The following GHR variants were observed in gnomAD, a reference collection of about 807,000 sequenced individuals.
The protein encoded by GHR is GH receptor.
A neutral mutation model predicts 67.1 loss-of-function variants in GHR; 35 were observed. The observed-to-expected ratio is 0.52, with a 90% CI of 0.40 to 0.69. The LOEUF (loss-of-function observed/expected upper bound fraction) is 0.69, where lower values mean the gene tolerates loss of function less well. Ranked by LOEUF, GHR falls within the 30% of genes least tolerant of loss-of-function variation. The probability of loss-of-function intolerance (pLI) is 0.00; values close to 1 mark genes in which losing one functional copy is unlikely to be tolerated. For missense variants in GHR, 792 were observed against 764.6 expected, an observed-to-expected ratio of 1.04 and a Z score of -0.42; for synonymous variants, 272 against 269.1, an observed-to-expected ratio of 1.01 and a Z score of -0.10.
chr5:42,497,772 G>A (rs1188837484), intron 1 of GHR, among the ~76,000 whole-genome samples: 2 of 152,164 alleles, frequency 1.3e-5, no homozygotes, highest in African/African-American at 4.8e-5. Context: ...GCTATGAAAG[G>A]GATATTGTAG....
intron 2 of GHR, among the ~76,000 whole-genome samples, chr5:42,597,482 C>T (rs949992421): frequency 3.3e-5 from 5 of 152,090 alleles, no homozygotes; most frequent in African/African-American, 9.7e-5. Context: ...GTAAGAACAG[C>T]CTAGAAGTAC....
Position 42,617,019 on chromosome 5 carries a change from C to G in GHR, c.71-12019C>G, listed in dbSNP as rs189672322. Among the ~76,000 whole-genome samples, 669 of 152,070 alleles carry G rather than the reference C, an allele frequency of 4.4e-3. 4 individuals carry two copies. The highest frequency in any genetic ancestry group is 6.7e-3 in the Non-Finnish European group (453 of 67,944). ...AAATTAGGAAGTAGAGACAGCCATT[C>G]AGACAAGGACTTAAAAGATCCAGGA... On this transcript the variant is annotated intron_variant, in intron 2 of 9. Coordinates refer to ENST00000230882, the MANE Select transcript of GHR (RefSeq NM_000163.5).
chr5:42,673,182 G>A (rs1756403906), intron 3 of GHR, among the ~76,000 whole-genome samples: 1 of 152,066 alleles, frequency 6.6e-6, no homozygotes, highest in African/African-American at 2.4e-5. Context: ...AATCATCAGA[G>A]AAATGCAAAT....
intron 1 of GHR, among the ~76,000 whole-genome samples, chr5:42,464,764 T>A (rs1416260142): frequency 6.6e-6 from 1 of 152,180 alleles, no homozygotes; most frequent in Admixed American, 6.5e-5. Context: ...TATGAATGGC[T>A]GTGTGTGCAC....
At chr5:42,697,472 G>A (rs1291464187) in intron 5 of GHR, among the ~76,000 whole-genome samples, 1 of 152,178 alleles carries the variant, frequency 6.6e-6, no homozygotes, top group African/African-American at 2.4e-5. Flanking sequence ...TGGCATCCCT[G>A]AGGCAGTGGC....
intron 3 of GHR, among the ~76,000 whole-genome samples, chr5:42,678,751 T>C (rs867764060): frequency 6.6e-5 from 10 of 152,104 alleles, no homozygotes; most frequent in Middle Eastern, 3.4e-3. Context: ...TCATGAACAA[T>C]GTTTCTCAAA....
intron 3 of GHR, among the ~76,000 whole-genome samples, chr5:42,639,814 C>T (rs1754377234): frequency 6.6e-6 from 1 of 152,132 alleles, no homozygotes; most frequent in Non-Finnish European, 1.5e-5. Context: ...GGGACTGAAC[C>T]TTTCTCATCT....
At position 42,427,634 on chromosome 5, in the gene GHR, A is replaced by G. The variant is rs372306385; in HGVS notation, c.-12+3679A>G. 1.2e-4 allele frequency among the ~76,000 whole-genome samples: 18 copies of G among 152,010 alleles called. No homozygotes were observed. In the South Asian group the frequency reaches 2.1e-3, roughly 17 times the overall value. Reference sequence around the variant, plus strand: ...AATCATACCTTCCCAACAGTCCCCCAAAGTCTTAACTCATTTCAGCATTAA... The same window carrying G: ...AATCATACCTTCCCAACAGTCCCCCGAAGTCTTAACTCATTTCAGCATTAA... On this transcript the variant is annotated intron_variant, in intron 1 of 9. Coordinates refer to ENST00000230882, the MANE Select transcript of GHR (RefSeq NM_000163.5).
Position 42,719,680 on chromosome 5 carries a change from T to A in GHR, c.*256T>A. 1 of 471,724 alleles carries A rather than the reference T, an allele frequency of 2.1e-6. No homozygotes were observed. The highest frequency in any genetic ancestry group is 2.1e-5 in the South Asian group (1 of 47,570). The allele number at this position is 471,724 out of a possible 1,614,324, so 29.2% of individuals were successfully genotyped here. A position where few individuals can be genotyped will look rare whatever the true frequency, so the allele number is the denominator to read the frequency against. The stretch of plus-strand genomic sequence containing the variant: ...TCAGACTGTTTAGTAGCAGTGATTG[T>A]CTTAATATTGTGGGTGTTAATTTTT... On this transcript the variant is annotated 3_prime_UTR_variant, in exon 10 of 10. Transcript: ENST00000230882.
chr5:42,517,990 C>A (rs544853409), intron 1 of GHR, among the ~76,000 whole-genome samples: 1 of 152,090 alleles, frequency 6.6e-6, no homozygotes, highest in South Asian at 2.1e-4. Context: ...CGGCTCAGTT[C>A]TCTCAGTTCC....
At chr5:42,648,104 G>A (rs139558981) in intron 3 of GHR, among the ~76,000 whole-genome samples, 111 of 152,222 alleles carry the variant, frequency 7.3e-4, no homozygotes, top group African/African-American at 2.6e-3. Flanking sequence ...CTGCCCTAGA[G>A]GACCTGCTCC....
At chr5:42,437,418 T>C (rs1283089734) in intron 1 of GHR, among the ~76,000 whole-genome samples, 1 of 152,200 alleles carries the variant, frequency 6.6e-6, no homozygotes, top group African/African-American at 2.4e-5. Context: ...AGAGCCATGT[T>C]GGATGTCTTA....
At chr5:42,483,494 TAAA>T (rs145669021) in intron 1 of GHR, among the ~76,000 whole-genome samples, 6 of 135,168 alleles carry the variant, frequency 4.4e-5, no homozygotes, top group Admixed American at 1.5e-4. Context: ...TTGGACATGT[TAAA>T]AAAAAAAAAA....
At chr5:42,475,426 T>C (rs1232032891) in intron 1 of GHR, among the ~76,000 whole-genome samples, 1 of 123,606 alleles carries the variant, frequency 8.1e-6, no homozygotes, top group Non-Finnish European at 1.8e-5. Context: ...TAATGTGTTA[T>C]TATGGTCATT....
At chr5:42,474,571 G>A (rs1365673163) in intron 1 of GHR, among the ~76,000 whole-genome samples, 13 of 152,090 alleles carry the variant, frequency 8.5e-5, no homozygotes, top group Non-Finnish European at 5.9e-5. Context: ...CTGCGTGTCT[G>A]TCTGACCTAA....
chr5:42,485,793 A>G (rs1416479106), intron 1 of GHR, among the ~76,000 whole-genome samples: 1 of 152,232 alleles, frequency 6.6e-6, no homozygotes, highest in African/African-American at 2.4e-5. Context: ...GCCAGCTCAC[A>G]AGAAGACTTA....
At chr5:42,601,392 CT>C (rs556050567) in intron 2 of GHR, among the ~76,000 whole-genome samples, 3 of 151,730 alleles carry the variant, frequency 2.0e-5, no homozygotes, top group African/African-American at 7.3e-5. Flanking sequence ...AACTTTTTTG[CT>C]TTTTTTTATT....
chr5:42,476,901 CTTTAAG>C (rs1276029214), intron 1 of GHR, among the ~76,000 whole-genome samples: 3 of 151,906 alleles, frequency 2.0e-5, no homozygotes, highest in Admixed American at 6.6e-5. Context: ...TATTATAATA[CTTTAAG>C]TTTTAGTGTA....
At chr5:42,460,447 G>A (rs1744440291) in intron 1 of GHR, among the ~76,000 whole-genome samples, 1 of 152,186 alleles carries the variant, frequency 6.6e-6, no homozygotes, top group African/African-American at 2.4e-5. Flanking sequence ...TTTGCTGTGA[G>A]TTTTAAATGA....
Sources: gnomAD v4.1 joint callset for allele counts (sites outside exome capture counted in the v4.1 genomes callset) on GRCh38, gnomAD v4.1.1 for gene constraint, MANE v1.5 for transcripts, NCBI Gene and HGNC (gene_info 2026-07-23, HGNC 2026-07-21) for gene names.